NCAM1: variants seen among roughly 807,000 people sequenced by gnomAD.
NCAM1 encodes the protein antigen recognized by monoclonal antibody 5.1H11.
A neutral mutation model predicts 109.8 loss-of-function variants in NCAM1; 14 were observed. The ratio of observed to expected loss-of-function variants is 0.13; its 90% confidence interval spans 0.08 to 0.20. The LOEUF (loss-of-function observed/expected upper bound fraction) is 0.20. Among genes scored for constraint, NCAM1 ranks in the 10% least tolerant of loss-of-function variants. The pLI is 1.00. For synonymous variants in NCAM1, 418 were observed against 442.9 expected (o/e 0.94, Z 0.70); for missense variants, 774 against 1,109.9 (o/e 0.70, Z 4.30).
At chr11:113,178,508 C>T (rs374130198) in intron 1 of NCAM1, among the ~76,000 whole-genome samples, 2 of 152,174 alleles carry the variant, frequency 1.3e-5, no homozygotes, top group Admixed American at 6.5e-5. Context: ...AGGCTGGTCT[C>T]GCCTCATATC....
At chr11:113,252,722 G>C (rs984141600) in intron 15 of NCAM1, among the ~76,000 whole-genome samples, 1 of 149,160 alleles carries the variant, frequency 6.7e-6, no homozygotes. Flanking sequence ...TGCAACCTCT[G>C]CCTCCGGGGT....
In NCAM1 at chr11:113,270,355, G is replaced by A. The variant is rs374937789; in HGVS notation, c.2299G>A (p.Ala767Thr). The A allele has an allele frequency of 2.5e-6, 4 of 1,614,004 alleles. No individual in the cohort carries two copies. The highest frequency in any genetic ancestry group is 1.7e-5 in the Admixed American group (1 of 60,028). Residue 767 changes from alanine to threonine, a missense_variant, in exon 18 of 20, where the codon GCC becomes ACC. Coordinates refer to ENST00000316851, the MANE Select transcript of NCAM1 (RefSeq NM_181351.5). ...VNLCGKAGPG[A>T]KGKDMEEGKA... ...CCTGTGTGGAAAAGCCGGGCCCGGG[G>A]CCAAGGGCAAGGACATGGAGGAGGG...
At chr11:113,117,707 A>T (rs1340961370) in intron 1 of NCAM1, among the ~76,000 whole-genome samples, 4 of 152,098 alleles carry the variant, frequency 2.6e-5, no homozygotes, top group Non-Finnish European at 5.9e-5. Context: ...TATAAATTTC[A>T]TACCACTTAT....
chr11:113,030,949 C>A (rs1407770538), intron 1 of NCAM1, among the ~76,000 whole-genome samples: 1 of 152,182 alleles, frequency 6.6e-6, no homozygotes, highest in Non-Finnish European at 1.5e-5. Context: ...CTCCTACAAT[C>A]CTCACAACAA....
chr11:113,056,011 ATATAT>A (rs1172639131), intron 1 of NCAM1, among the ~76,000 whole-genome samples: 2 of 117,230 alleles, frequency 1.7e-5, no homozygotes, highest in South Asian at 2.6e-4. Flanking sequence ...ATATATATAT[ATATAT>A]ATATATATAA....
At chr11:113,262,820 G>T (rs1946046461) in intron 17 of NCAM1, 1 of 1,612,324 alleles carries the variant, frequency 6.2e-7, no homozygotes, top group African/African-American at 1.3e-5. Context: ...CATTATCTCT[G>T]GGGACCCATT....
In NCAM1 at chr11:113,157,635, G is replaced by A. The variant is rs567194509; in HGVS notation, c.53-44744G>A. Among the ~76,000 whole-genome samples the A allele has an allele frequency of 3.9e-5, 6 of 152,090 alleles. 1 individual carries two copies. The South Asian group carries it at 8.3e-4, about 21-fold the overall frequency. ...TTTTATTCTGTCGGCTTTCTGAATCGATGATTATAATTATGGAAAAACTGA... is the reference window on the plus strand; with the variant it reads ...TTTTATTCTGTCGGCTTTCTGAATCAATGATTATAATTATGGAAAAACTGA... On this transcript the variant is annotated intron_variant, in intron 1 of 19. Coordinates refer to ENST00000316851, the MANE Select transcript of NCAM1 (RefSeq NM_181351.5).
At chr11:112,987,706 A>G (rs1236868384) in intron 1 of NCAM1, among the ~76,000 whole-genome samples, 3 of 151,834 alleles carry the variant, frequency 2.0e-5, no homozygotes, top group Non-Finnish European at 2.9e-5. Flanking sequence ...TAATATAGCT[A>G]CCCCTGCTCT....
At chr11:113,135,750 A>G (rs566377466) in intron 1 of NCAM1, among the ~76,000 whole-genome samples, 3 of 152,338 alleles carry the variant, frequency 2.0e-5, no homozygotes, top group Non-Finnish European at 4.4e-5. Context: ...TAACACCCAG[A>G]GTTCCACTTA....
At chr11:113,010,069 A>G (rs1021098385) in intron 1 of NCAM1, among the ~76,000 whole-genome samples, 2 of 152,222 alleles carry the variant, frequency 1.3e-5, no homozygotes. Flanking sequence ...TTAAAAAGGA[A>G]AAGCAAAACC....
At chr11:113,261,138 G>A (rs1189279883) in intron 17 of NCAM1, among the ~76,000 whole-genome samples, 2 of 152,114 alleles carry the variant, frequency 1.3e-5, no homozygotes, top group Non-Finnish European at 2.9e-5. Flanking sequence ...CCTGTTGGGG[G>A]GCCCCATAGA....
chr11:113,041,656 T>C (rs1555080009), intron 1 of NCAM1, among the ~76,000 whole-genome samples: 2 of 151,414 alleles, frequency 1.3e-5, no homozygotes, highest in Non-Finnish European at 2.9e-5. Context: ...AGGTCTCTTC[T>C]TGTCATGTAA....
intron 2 of NCAM1, among the ~76,000 whole-genome samples, chr11:113,203,343 C>G (rs1944131152): frequency 6.6e-6 from 1 of 152,210 alleles, no homozygotes; most frequent in South Asian, 2.1e-4. Flanking sequence ...GCCGTGGAGC[C>G]CACAGCACAT....
chr11:113,204,933 T>G (rs1944190913), intron 3 of NCAM1, among the ~76,000 whole-genome samples: 2 of 152,190 alleles, frequency 1.3e-5, no homozygotes, highest in Admixed American at 1.3e-4. Flanking sequence ...TGAAACCCCA[T>G]CTGTAGGTGG....
intron 1 of NCAM1, among the ~76,000 whole-genome samples, chr11:113,101,478 G>A (rs79993690): frequency 0.013 from 2,013 of 152,124 alleles, 20 homozygotes; most frequent in Non-Finnish European, 0.02. Flanking sequence ...TCTAAATTAT[G>A]GTTGCATTGT....
chr11:113,254,766 G>T (rs1945792627), intron 15 of NCAM1, among the ~76,000 whole-genome samples: 1 of 152,172 alleles, frequency 6.6e-6, no homozygotes, highest in African/African-American at 2.4e-5. Flanking sequence ...CACCCAGAAG[G>T]TAACTGTTTT....
chr11:113,101,126 A>G (rs1007479568), intron 1 of NCAM1, among the ~76,000 whole-genome samples: 3 of 152,130 alleles, frequency 2.0e-5, no homozygotes, highest in Admixed American at 6.5e-5. Flanking sequence ...TGGGAGAGTT[A>G]AGGAAGTTTC....
intron 18 of NCAM1, 30 bp downstream of exon 18, chr11:113,270,425 G>A (rs1565541326): frequency 1.2e-6 from 2 of 1,608,702 alleles, no homozygotes; most frequent in Non-Finnish European, 1.7e-6. Context: ...CCTTGCTGAG[G>A]TTTGGGCTCT....
At chr11:113,187,167 T>C (rs1372062488) in intron 1 of NCAM1, among the ~76,000 whole-genome samples, 1 of 152,226 alleles carries the variant, frequency 6.6e-6, no homozygotes, top group Non-Finnish European at 1.5e-5. Context: ...AAATTCGTGT[T>C]TGACTGCAGC....
Sources: allele counts gnomAD v4.1 joint callset (sites outside exome capture counted in the v4.1 genomes callset), GRCh38; gene constraint gnomAD v4.1.1; transcripts MANE v1.5; gene names NCBI Gene and HGNC (gene_info 2026-07-23, HGNC 2026-07-21).